CCNB3: variants seen among roughly 807,000 people sequenced by gnomAD.
CCNB3 encodes the protein cyclin B3.
Under a neutral mutation model 68.0 loss-of-function variants are expected in CCNB3, and 12 were observed. The observed-to-expected ratio is 0.18, with a 90% CI of 0.11 to 0.29. The LOEUF (loss-of-function observed/expected upper bound fraction) is 0.29. CCNB3 is among the 10% of genes least tolerant of loss of function. The pLI is 1.00. For missense variants in CCNB3, 904 were observed against 993.1 expected (o/e 0.91, Z 1.21); for synonymous variants, 354 against 388.9 (o/e 0.91, Z 1.06).
At chrX:50,215,387 G>T (rs1935556188) in intron 1 of CCNB3, among the ~76,000 whole-genome samples, 1 of 110,909 alleles carries the variant, frequency 9.0e-6, no homozygotes, top group African/African-American at 3.3e-5. Context: ...TATTTGCTGA[G>T]ATTTGTTTTA....
intron 1 of CCNB3, among the ~76,000 whole-genome samples, chrX:50,227,778 AATAT>A (rs1220335736): frequency 1.2e-5 from 1 of 86,322 alleles, no homozygotes; most frequent in Non-Finnish European, 2.1e-5. Context: ...ATATATAGAG[AATAT>A]ATATAAATAT....
At chrX:50,216,793 A>G (rs1471953704) in intron 1 of CCNB3, among the ~76,000 whole-genome samples, 1 of 109,976 alleles carries the variant, frequency 9.1e-6, no homozygotes, top group African/African-American at 3.3e-5. Context: ...GGATGCATCT[A>G]TAGTGGTTTT....
intron 1 of CCNB3, among the ~76,000 whole-genome samples, chrX:50,226,933 A>T (rs1355665900): frequency 1.7e-5 from 1 of 60,079 alleles, no homozygotes; most frequent in African/African-American, 7.3e-5. Context: ...GAATATATAT[A>T]GTATATATAT....
chrX:50,308,408 CCTTT>C (rs1446703119), intron 5 of CCNB3, 93 bp from the exon 6 acceptor site: 2 of 569,068 alleles, frequency 3.5e-6, no homozygotes, highest in Non-Finnish European at 5.6e-6. Flanking sequence ...AGCCCCTTCC[CCTTT>C]CATACCTTTA....
At chrX:50,226,704 T>A (rs1310817276) in intron 1 of CCNB3, among the ~76,000 whole-genome samples, 1 of 80,060 alleles carries the variant, frequency 1.2e-5, no homozygotes, top group African/African-American at 4.9e-5. Context: ...AGAATATACA[T>A]ATGAATATGT....
rs185595439 is a variant in CCNB3, at chrX:50,336,364, C to T, written c.3517-5838C>T. ...CCCCTAATGGCCGCAGCCAGTAAGT[C>T]GGTGTTTCACCTGGCCTGGCGTTCG... On this transcript the variant is annotated intron_variant, in intron 8 of 12. Coordinates refer to ENST00000376042, the MANE Select transcript of CCNB3 (RefSeq NM_033031.3). 9.9e-3 allele frequency among the ~76,000 whole-genome samples: 1,108 copies of T among 112,000 alleles called. 11 individuals are homozygous for T. Among genetic ancestry groups the T allele is most frequent in the African/African-American group, 0.034 (1,059 of 30,795 alleles).
At position 50,310,394 on chromosome X, in the gene CCNB3, A is replaced by G; in HGVS notation, c.2225A>G (p.Asn742Ser). The change falls in exon 6 of 13, where the codon AAC (asparagine) becomes AGC (serine). Residue 742 changes from asparagine (N) to serine (S), a missense_variant. Physicochemically the swap from Asn to Ser is conservative, Grantham distance 46. Coordinates refer to ENST00000376042, the MANE Select transcript of CCNB3 (RefSeq NM_033031.3). ...GAGCTTTCTGCTGAGGCAGCCACAA[A>G]CATACAGACACAATTATCTTTAAAG... ...KEELSAEAAT[N>S]IQTQLSLKKK... 1 of 1,211,370 alleles carries G rather than the reference A, an allele frequency of 8.3e-7. No individual in the cohort carries two copies. Among genetic ancestry groups the G allele is most frequent in the African/African-American group, 1.7e-5 (1 of 57,898 alleles).
At position 50,308,693 on chromosome X, in the gene CCNB3, C is replaced by T; in HGVS notation, c.524C>T (p.Ser175Leu). ...TIEDETLINK[S>L]LSLKKCSNHE... Reference sequence around the variant, plus strand: ...GAGGATGAAACCCTTATCAATAAGTCATTATCTTTAAAAAAGTGCTCAAAT... The same window carrying T: ...GAGGATGAAACCCTTATCAATAAGTTATTATCTTTAAAAAAGTGCTCAAAT... Residue 175 changes from serine (S) to leucine (L), a missense_variant, in exon 6 of 13, where the codon TCA becomes TTA. Ser to Leu is a moderately radical substitution (Grantham distance 145). This residue lies in a region of CCNB3 where 619 missense variants were observed against 609.8 expected (regional missense o/e 1.02). Coordinates refer to ENST00000376042, the MANE Select transcript of CCNB3 (RefSeq NM_033031.3). 1.7e-6 allele frequency: 2 copies of T among 1,210,776 alleles called. No homozygotes were observed. The highest frequency in any genetic ancestry group is 1.7e-5 in the African/African-American group (1 of 57,664).
intron 5 of CCNB3, among the ~76,000 whole-genome samples, chrX:50,305,776 CTTTT>C (rs146498028): frequency 6.7e-4 from 25 of 37,160 alleles, no homozygotes; most frequent in African/African-American, 1.8e-3. Flanking sequence ...TTCTTTCTTT[CTTTT>C]TTTTTTTTTT....
intron 1 of CCNB3, among the ~76,000 whole-genome samples, chrX:50,283,162 T>C (rs1338517403): frequency 9.0e-6 from 1 of 111,723 alleles, no homozygotes; most frequent in Non-Finnish European, 1.9e-5. Flanking sequence ...GTTTTGAAAA[T>C]GAGGAAACTG....
chrX:50,225,793 C>A (rs1275294232), intron 1 of CCNB3, among the ~76,000 whole-genome samples: 4 of 107,364 alleles, frequency 3.7e-5, no homozygotes, highest in African/African-American at 1.3e-4. Flanking sequence ...AGGGGCTTGA[C>A]AATTCAAAGT....
At chrX:50,280,009 A>G (rs1358179921) in intron 1 of CCNB3, among the ~76,000 whole-genome samples, 2 of 86,645 alleles carry the variant, frequency 2.3e-5, no homozygotes, top group Non-Finnish European at 4.2e-5. Flanking sequence ...CATAGAATAT[A>G]TAAATATATA....
chrX:50,279,133 T>A (rs1263883939), intron 1 of CCNB3, among the ~76,000 whole-genome samples: 1 of 61,777 alleles, frequency 1.6e-5, no homozygotes, highest in Non-Finnish European at 2.7e-5. Flanking sequence ...TATATTATAT[T>A]CATATATAAA....
chrX:50,225,427 G>C lies in CCNB3; in HGVS notation c.-113+20477G>C, dbSNP rs935732827. Among the ~76,000 whole-genome samples, 268 of 110,784 alleles carry C rather than the reference G, an allele frequency of 2.4e-3. 2 individuals carry two copies. The highest frequency in any genetic ancestry group is 8.4e-3 in the African/African-American group (257 of 30,593). On this transcript the variant is annotated intron_variant, in intron 1 of 12. Transcript: ENST00000376042. Reference sequence around the variant, plus strand: ...CCTTGTAGACCAGGGTAGGTAGTTAGGATTTTTATTTTAAATTCTGTGGGA... The same window carrying C: ...CCTTGTAGACCAGGGTAGGTAGTTACGATTTTTATTTTAAATTCTGTGGGA...
chrX:50,226,934 G>GTATATATATAGAA (rs1180331668), intron 1 of CCNB3, among the ~76,000 whole-genome samples: 1 of 47,343 alleles, frequency 2.1e-5, no homozygotes, highest in Admixed American at 3.3e-4. Context: ...AATATATATA[G>GTATATATATAGAA]TATATATATA....
chrX:50,227,894 A>G (rs1935933127), intron 1 of CCNB3, among the ~76,000 whole-genome samples: 1 of 84,632 alleles, frequency 1.2e-5, no homozygotes, highest in Non-Finnish European at 2.2e-5. Context: ...GAAAATATAT[A>G]AATATATAGA....
intron 8 of CCNB3, among the ~76,000 whole-genome samples, chrX:50,322,492 C>T (rs1228223215): frequency 9.0e-6 from 1 of 111,363 alleles, no homozygotes; most frequent in African/African-American, 3.3e-5. Flanking sequence ...TAGGCAATAC[C>T]ATTCAGGACA....
chrX:50,330,003 A>T (rs1922514189), intron 8 of CCNB3, among the ~76,000 whole-genome samples: 1 of 111,930 alleles, frequency 8.9e-6, no homozygotes, highest in Admixed American at 9.5e-5. Flanking sequence ...GACACAATGT[A>T]GCAGGACGAG....
At chrX:50,301,552 G>A (rs1936636611) in intron 5 of CCNB3, among the ~76,000 whole-genome samples, 1 of 112,110 alleles carries the variant, frequency 8.9e-6, no homozygotes, top group African/African-American at 3.2e-5. Context: ...CTACTTGGGG[G>A]TGCCTCCCAG....
Sources: allele counts gnomAD v4.1 joint callset (sites outside exome capture counted in the v4.1 genomes callset), GRCh38; gene constraint gnomAD v4.1.1; regional missense constraint gnomAD v4.1.1; transcripts MANE v1.5; gene names NCBI Gene and HGNC (gene_info 2026-07-23, HGNC 2026-07-21).